Variants in RBMS3 observed in about 807,000 individuals in gnomAD.
RBMS3 encodes RNA-binding motif, single-stranded-interacting protein 3.
A neutral mutation model predicts 66.8 loss-of-function variants in RBMS3; 27 were observed. That is an observed-to-expected ratio of 0.40 (90% CI 0.30 to 0.56). RBMS3 has a LOEUF of 0.56. Ranked by LOEUF, RBMS3 falls within the 20% of genes least tolerant of loss-of-function variation. The pLI, the probability that RBMS3 is intolerant of heterozygous loss-of-function variation, is 0.40. For missense variants in RBMS3, 513 were observed against 549.5 expected (o/e 0.93, Z 0.66); for synonymous variants, 188 against 183.0 (o/e 1.03, Z -0.22).
chr3:29,503,569 A>G (rs530880465), intron 3 of RBMS3, among the ~76,000 whole-genome samples: 11 of 152,188 alleles, frequency 7.2e-5, no homozygotes, highest in East Asian at 1.9e-4. Flanking sequence ...CCAGGCACCA[A>G]TCCTAATATA....
chr3:29,476,385 A>G (rs144105100), intron 2 of RBMS3, among the ~76,000 whole-genome samples: 1 of 152,270 alleles, frequency 6.6e-6, no homozygotes, highest in East Asian at 1.9e-4. Flanking sequence ...AGTTATATAC[A>G]TTTTACATAG....
intron 6 of RBMS3, among the ~76,000 whole-genome samples, chr3:29,768,190 A>G (rs2056016754): frequency 6.6e-6 from 1 of 151,976 alleles, no homozygotes; most frequent in South Asian, 2.1e-4. Flanking sequence ...TTGTTGCTTC[A>G]TGATGAAGAA....
chr3:29,441,258 G>A (rs916056949), intron 2 of RBMS3, among the ~76,000 whole-genome samples: 1 of 152,126 alleles, frequency 6.6e-6, no homozygotes, highest in Non-Finnish European at 1.5e-5. Flanking sequence ...TTGACAATGG[G>A]TTACGTATAT....
chr3:29,445,924 A>T (rs1002764462), intron 2 of RBMS3, among the ~76,000 whole-genome samples: 1 of 152,174 alleles, frequency 6.6e-6, no homozygotes, highest in Non-Finnish European at 1.5e-5. Context: ...TTAAGCCAAC[A>T]TTATTGAGGA....
intron 1 of RBMS3, among the ~76,000 whole-genome samples, chr3:29,332,170 C>T (rs1202167247): frequency 6.6e-6 from 1 of 152,138 alleles, no homozygotes; most frequent in Non-Finnish European, 1.5e-5. Flanking sequence ...GCTCTGAAAA[C>T]ACTGACTGAT....
At chr3:29,731,906 C>T (rs1432458606) in intron 4 of RBMS3, among the ~76,000 whole-genome samples, 2 of 151,572 alleles carry the variant, frequency 1.3e-5, no homozygotes, top group Admixed American at 1.3e-4. Context: ...CTTCCTCTAT[C>T]CCTCCATCTT....
intron 1 of RBMS3, among the ~76,000 whole-genome samples, chr3:29,350,170 A>T (rs2125556619): frequency 6.6e-6 from 1 of 152,090 alleles, no homozygotes; most frequent in Non-Finnish European, 1.5e-5. Flanking sequence ...TGAAAAAAAA[A>T]AAAAAAATCT....
At position 29,547,032 on chromosome 3, in the gene RBMS3, A is replaced by C. The variant is rs181072903; in HGVS notation, c.308-40082A>C. ...CACTGGTCACCCAGGCTGGAGTGCA[A>C]TAGCACAATCATAGCTCACTATAAC... On this transcript the variant is annotated intron_variant, in intron 3 of 14. Transcript: ENST00000383767. 1.3e-3 allele frequency among the ~76,000 whole-genome samples: 191 copies of C among 152,204 alleles called. 2 individuals carry two copies. The highest frequency in any genetic ancestry group is 9.6e-4 in the Non-Finnish European group (65 of 67,998).
chr3:29,807,535 C>A (rs1378487072), intron 6 of RBMS3, among the ~76,000 whole-genome samples: 2 of 151,848 alleles, frequency 1.3e-5, no homozygotes, highest in Non-Finnish European at 2.9e-5. Context: ...ATATTCACTG[C>A]AGTATTGTTA....
chr3:29,761,089 T>A (rs977944812), intron 5 of RBMS3, among the ~76,000 whole-genome samples: 1 of 152,078 alleles, frequency 6.6e-6, no homozygotes, highest in East Asian at 1.9e-4. Context: ...GATCCCTTTG[T>A]TAAAACACTG....
At chr3:29,967,287 T>A (rs1156676935) in intron 12 of RBMS3, among the ~76,000 whole-genome samples, 1 of 152,160 alleles carries the variant, frequency 6.6e-6, no homozygotes, top group East Asian at 1.9e-4. Flanking sequence ...TCTTTGAATG[T>A]CTAGTAGAAA....
intron 1 of RBMS3, among the ~76,000 whole-genome samples, chr3:29,296,415 T>G (rs2033265421): frequency 1.3e-5 from 2 of 151,850 alleles, no homozygotes; most frequent in Non-Finnish European, 2.9e-5. Context: ...TCTGTTGAAC[T>G]TGTTTGGCGC....
At position 29,428,698 on chromosome 3, in the gene RBMS3, T is replaced by C. The variant is rs187420482; in HGVS notation, c.76-6045T>C. The stretch of plus-strand genomic sequence containing the variant: ...TTTCAAACTTGAAAAATGAGGTATA[T>C]GAACAAAGCACACTAAATGAATCAG... On this transcript the variant is annotated intron_variant, in intron 1 of 14. Transcript: ENST00000383767. Among the ~76,000 whole-genome samples the C allele has an allele frequency of 5.5e-4, 83 of 152,138 alleles. 1 individual carries two copies. The highest frequency in any genetic ancestry group is 1.0e-4 in the Non-Finnish European group (7 of 68,022).
In RBMS3 at chr3:29,811,916, A is replaced by G. The variant is rs115136555; in HGVS notation, c.637+48927A>G. ...GCCGTTTCTTAGGAAGTTGTGGAAG[A>G]TATTGGTCTTTTTGTGAATATGTAT... On this transcript the variant is annotated intron_variant, in intron 6 of 14. Coordinates refer to ENST00000383767, the MANE Select transcript of RBMS3 (RefSeq NM_001003793.3). Among the ~76,000 whole-genome samples the G allele has an allele frequency of 1.4e-3, 206 of 152,260 alleles. 1 individual carries two copies. Among genetic ancestry groups the G allele is most frequent in the African/African-American group, 4.6e-3 (192 of 41,554 alleles).
chr3:29,500,771 C>T lies in RBMS3; in HGVS notation c.307+12272C>T, dbSNP rs558488685. Among the ~76,000 whole-genome samples the T allele has an allele frequency of 8.1e-4, 123 of 152,100 alleles. 1 individual carries two copies. Among genetic ancestry groups the T allele is most frequent in the Middle Eastern group, 3.4e-3 (1 of 294 alleles). On this transcript the variant is annotated intron_variant, in intron 3 of 14. Transcript: ENST00000383767. ...AATGAAATCACCTAAGGACACATTT[C>T]TCAGAATGTATTCCCATTGTTAAGT... is the stretch of plus-strand genomic sequence containing the variant.
intron 3 of RBMS3, among the ~76,000 whole-genome samples, chr3:29,498,458 T>A (rs2043845217): frequency 6.6e-6 from 1 of 152,178 alleles, no homozygotes; most frequent in African/African-American, 2.4e-5. Context: ...TAATGTATAA[T>A]GCACAAATAT....
At chr3:29,408,762 A>T (rs998375916) in intron 1 of RBMS3, among the ~76,000 whole-genome samples, 15 of 152,222 alleles carry the variant, frequency 9.9e-5, no homozygotes, top group African/African-American at 3.4e-4. Context: ...TTTCGTCAGA[A>T]TATGTACAAT....
At position 29,414,063 on chromosome 3, in the gene RBMS3, G is replaced by A. The variant is rs964374916; in HGVS notation, c.76-20680G>A. 6.6e-5 allele frequency among the ~76,000 whole-genome samples: 10 copies of A among 152,178 alleles called. No individual in the cohort carries two copies. The South Asian group carries it at 8.3e-4, about 13-fold the overall frequency. ...TTTTGGGATATCATTTTCTCCTTGC[G>A]CGGGAGTCTTTTAAGGTTTTAGGAT... On this transcript the variant is annotated intron_variant, in intron 1 of 14. Transcript: ENST00000383767.
intron 3 of RBMS3, among the ~76,000 whole-genome samples, chr3:29,553,808 T>TAAAAAAA (rs10634860): frequency 1.4e-5 from 2 of 142,264 alleles, no homozygotes; most frequent in African/African-American, 2.6e-5. Context: ...ACTGGCTAAT[T>TAAAAAAA]AAAAAAAAAA....
Sources: gnomAD v4.1 joint callset for allele counts (sites outside exome capture counted in the v4.1 genomes callset) on GRCh38, gnomAD v4.1.1 for gene constraint, MANE v1.5 for transcripts, NCBI Gene and HGNC (gene_info 2026-07-23, HGNC 2026-07-21) for gene names.